The following PACS1 variants were observed in gnomAD, a reference collection of about 807,000 sequenced individuals.
The protein encoded by PACS1 is PACS-1.
A neutral mutation model predicts 115.0 loss-of-function variants in PACS1; 24 were observed. The observed-to-expected ratio is 0.21, with a 90% confidence interval of 0.15 to 0.29. The LOEUF is 0.29. Among genes scored for constraint, PACS1 ranks in the 10% least tolerant of loss-of-function variants. PACS1 has a pLI of 1.00. For missense variants in PACS1, 838 were observed against 1,251.2 expected (o/e 0.67, Z 4.98); for synonymous variants, 453 against 504.5 (o/e 0.90, Z 1.37).
chr11:66,156,633 T>C (rs1025495262), intron 1 of PACS1, among the ~76,000 whole-genome samples: 15 of 151,974 alleles, frequency 9.9e-5, no homozygotes, highest in African/African-American at 3.4e-4. Flanking sequence ...GGCAGGCGGA[T>C]CACAAGGTCA....
Position 66,125,946 on chromosome 11 carries a change from A to G in PACS1, c.356+55104A>G, listed in dbSNP as rs575647480. On this transcript the variant is annotated intron_variant, in intron 1 of 23. Transcript: ENST00000320580. ...TCCCAGCTACTCGGGAGGCTGAGGC[A>G]GGAGAATTGCTTGAGTCCAGGGAGC... Among the ~76,000 whole-genome samples the G allele has an allele frequency of 8.2e-4, 124 of 151,922 alleles. 2 individuals are homozygous for G. Among genetic ancestry groups the G allele is most frequent in the Middle Eastern group, 3.4e-3 (1 of 294 alleles).
rs202052086 is a variant in PACS1 at position 66,150,244 on chromosome 11, A to C, written c.357-43242A>C. Among the ~76,000 whole-genome samples, 11 of 152,348 alleles carry C rather than the reference A, an allele frequency of 7.2e-5. No homozygotes were observed. The East Asian group carries it at 2.1e-3, about 29-fold the overall frequency. The stretch of plus-strand genomic sequence containing the variant: ...ATATACAGTTATTTGATCCACTGAC[A>C]TACGTTCTTTCTCTTTCTCCCAAAA... On this transcript the variant is annotated intron_variant, in intron 1 of 23. Coordinates refer to ENST00000320580, the MANE Select transcript of PACS1 (RefSeq NM_018026.4).
intron 2 of PACS1, among the ~76,000 whole-genome samples, chr11:66,202,882 A>G (rs1221309282): frequency 6.6e-6 from 1 of 151,512 alleles, no homozygotes; most frequent in Non-Finnish European, 1.5e-5. Context: ...AAAGCCATAT[A>G]TGACAGACCT....
chr11:66,195,635 G>C (rs778230287), intron 2 of PACS1, among the ~76,000 whole-genome samples: 2 of 152,098 alleles, frequency 1.3e-5, no homozygotes, highest in African/African-American at 4.8e-5. Context: ...CAAATATTTT[G>C]AATTTTTAAA....
chr11:66,229,551 C>T lies in PACS1; in HGVS notation c.1375-997C>T, dbSNP rs774548866. The stretch of plus-strand genomic sequence containing the variant: ...AAAATAAGCCGGGCGTGGTGGTGGG[C>T]GCCTGTAGTCCCAGCAACTCGGGAG... On this transcript the variant is annotated intron_variant, in intron 11 of 23. Coordinates refer to ENST00000320580, the MANE Select transcript of PACS1 (RefSeq NM_018026.4). Among the ~76,000 whole-genome samples, 175 of 151,756 alleles carry T rather than the reference C, an allele frequency of 1.2e-3. No homozygotes were observed. The Middle Eastern group carries it at 0.027, about 24-fold the overall frequency.
chr11:66,114,604 C>G (rs116164277), intron 1 of PACS1, among the ~76,000 whole-genome samples: 193 of 152,152 alleles, frequency 1.3e-3, no homozygotes, highest in African/African-American at 4.6e-3. Context: ...TTAGAAAATG[C>G]AAATAATTTG....
intron 1 of PACS1, among the ~76,000 whole-genome samples, chr11:66,095,363 A>G: frequency 6.6e-6 from 1 of 152,092 alleles, no homozygotes; most frequent in Non-Finnish European, 1.5e-5. Context: ...AGGATACAAA[A>G]TCAATGTACA....
chr11:66,075,208 G>A (rs1210309392), intron 1 of PACS1, among the ~76,000 whole-genome samples: 1 of 152,112 alleles, frequency 6.6e-6, no homozygotes, highest in Non-Finnish European at 1.5e-5. Flanking sequence ...CTTCCAAAGT[G>A]CTGGGATTAC....
At chr11:66,211,462 A>G (rs908283655) in intron 4 of PACS1, among the ~76,000 whole-genome samples, 11 of 152,162 alleles carry the variant, frequency 7.2e-5, no homozygotes, top group African/African-American at 2.4e-4. Context: ...AAAAGTTTTA[A>G]TTTTTAAACA....
At chr11:66,232,900 C>T (rs748489243) in intron 14 of PACS1, 60 bp from the exon 15 acceptor site, 4 of 1,285,396 alleles carry the variant, frequency 3.1e-6, no homozygotes, top group Non-Finnish European at 4.5e-6. Context: ...GCCTCTTGGC[C>T]CTTGTGAAGG....
intron 4 of PACS1, among the ~76,000 whole-genome samples, chr11:66,212,512 C>T (rs1855100089): frequency 1.3e-5 from 2 of 151,774 alleles, no homozygotes; most frequent in Non-Finnish European, 2.9e-5. Flanking sequence ...CTCAAGCAAT[C>T]CTCCCTCCTT....
chr11:66,238,004 C>G, intron 19 of PACS1: 1 of 959,852 alleles, frequency 1.0e-6, no homozygotes, highest in African/African-American at 1.8e-5. Flanking sequence ...GCCTCTTTGC[C>G]TAGGCCTGGG....
intron 1 of PACS1, among the ~76,000 whole-genome samples, chr11:66,188,691 G>A (rs1854444970): frequency 6.6e-6 from 1 of 152,084 alleles, no homozygotes; most frequent in South Asian, 2.1e-4. Flanking sequence ...CCTGGGGTGG[G>A]CAGCTAACTA....
At chr11:66,127,503 G>C (rs1300191176) in intron 1 of PACS1, among the ~76,000 whole-genome samples, 4 of 152,230 alleles carry the variant, frequency 2.6e-5, no homozygotes. Flanking sequence ...GTGCTCATGG[G>C]AGATGTTGAA....
intron 1 of PACS1, among the ~76,000 whole-genome samples, chr11:66,173,363 C>G (rs1565133706): frequency 6.6e-6 from 1 of 152,058 alleles, no homozygotes; most frequent in Non-Finnish European, 1.5e-5. Flanking sequence ...TCCATTATTG[C>G]TGTTAAAAGT....
intron 1 of PACS1, among the ~76,000 whole-genome samples, chr11:66,156,802 G>A (rs918262555): frequency 2.6e-5 from 4 of 151,208 alleles, no homozygotes; most frequent in South Asian, 2.1e-4. Context: ...TGCGCGAGCC[G>A]AGATGGCGCC....
chr11:66,239,105 C>G, intron 20 of PACS1, 37 bp from the exon 21 acceptor site: 1 of 1,613,976 alleles, frequency 6.2e-7, no homozygotes, highest in African/African-American at 1.3e-5. Flanking sequence ...AGATAGCTTC[C>G]TCTGGCCAAC....
Position 66,227,560 on chromosome 11 carries a change from C to A in PACS1, c.1350C>A (p.Asp450Glu). 6.2e-7 allele frequency: 1 copy of A among 1,610,752 alleles called. No individual in the cohort carries two copies. The part of the protein sequence containing the change: ...IKSTWIKNQD[D>E]SLTETDTLEI... The stretch of plus-strand genomic sequence containing the variant: ...CTACTTGGATTAAAAACCAAGATGA[C>A]AGCTTGACTGAAACAGACACTCTGG... The change falls in exon 11 of 24, where the codon GAC becomes GAA. Residue 450 changes from aspartate to glutamate, a missense_variant. Around this residue, in one of 6 missense-constraint regions of PACS1, gnomAD observed 383 missense variants for 537.0 expected, o/e 0.71. Coordinates refer to ENST00000320580, the MANE Select transcript of PACS1 (RefSeq NM_018026.4).
intron 1 of PACS1, among the ~76,000 whole-genome samples, chr11:66,079,641 A>G (rs1673353507): frequency 6.6e-6 from 1 of 152,046 alleles, no homozygotes; most frequent in South Asian, 2.1e-4. Context: ...CCCCTCTATA[A>G]TCTTCCAGTT....
Sources: allele counts gnomAD v4.1 joint callset (sites outside exome capture counted in the v4.1 genomes callset), GRCh38; gene constraint gnomAD v4.1.1; regional missense constraint gnomAD v4.1.1; transcripts MANE v1.5; gene names NCBI Gene and HGNC (gene_info 2026-07-23, HGNC 2026-07-21).